Variants in VTA1 observed in about 807,000 individuals in gnomAD.
VTA1 encodes vesicle trafficking 1.
Under a neutral mutation model 36.9 loss-of-function variants are expected in VTA1, and 24 were observed. That is an observed-to-expected ratio of 0.65 (90% CI 0.47 to 0.91). VTA1 has a LOEUF of 0.91. Ranked by LOEUF, VTA1 falls within the 40% of genes least tolerant of loss-of-function variation. The pLI is 0.00. For synonymous variants in VTA1, 142 were observed against 130.2 expected, an observed-to-expected ratio of 1.09 and a Z score of -0.62; for missense variants, 393 against 377.2, an observed-to-expected ratio of 1.04 and a Z score of -0.35.
At chr6:142,198,946 T>C (rs1046306343) in intron 6 of VTA1, among the ~76,000 whole-genome samples, 1 of 152,142 alleles carries the variant, frequency 6.6e-6, no homozygotes, top group African/African-American at 2.4e-5. Context: ...TGTTTTAGAA[T>C]AGCTCGGAGG....
chr6:142,163,199 T>C (rs759895359), intron 1 of VTA1, among the ~76,000 whole-genome samples: 2 of 152,108 alleles, frequency 1.3e-5, no homozygotes, highest in Non-Finnish European at 2.9e-5. Context: ...CCCCAGCTGA[T>C]TGCAGTTCAA....
In VTA1 at chr6:142,189,417, C is replaced by G. The variant is rs2114664978; in HGVS notation, c.412-9C>G. Reference sequence around the variant, plus strand: ...AGTCCAATGTTGATATAAAAATGCTCTCTTTTAGAATGTGAAACACAGGAA... The same window carrying G: ...AGTCCAATGTTGATATAAAAATGCTGTCTTTTAGAATGTGAAACACAGGAA... On this transcript the variant is annotated splice_polypyrimidine_tract_variant and intron_variant, in intron 4 of 7. Transcript: ENST00000367630. 5 of 1,605,250 alleles carry G rather than the reference C, an allele frequency of 3.1e-6. No homozygotes were observed. The highest frequency in any genetic ancestry group is 1.3e-5 in the African/African-American group (1 of 74,770).
intron 1 of VTA1, among the ~76,000 whole-genome samples, chr6:142,160,683 G>C (rs1161458010): frequency 4.6e-5 from 7 of 151,956 alleles, no homozygotes; most frequent in African/African-American, 1.7e-4. Context: ...CAGGTATCAT[G>C]GTCTTCCTCT....
At position 142,170,388 on chromosome 6, in the gene VTA1, T is replaced by C. The variant is rs772043693; in HGVS notation, c.378T>C (p.Asp126=). 1.2e-6 allele frequency: 2 copies of C among 1,608,228 alleles called. No homozygotes were observed. The highest frequency in any genetic ancestry group is 1.7e-6 in the Non-Finnish European group (2 of 1,177,676). The part of the protein sequence containing the change: ...KSFYTASLLI[D]VITVFGELTD... ...TCTATACTGCAAGTCTTTTGATAGA[T>C]GTCATAACAGTATTTGGAGAACTCA... The change falls in exon 4 of 8, where the codon GAT becomes GAC. Residue 126 remains aspartate, a synonymous_variant. Coordinates refer to ENST00000367630, the MANE Select transcript of VTA1 (RefSeq NM_016485.5).
intron 4 of VTA1, among the ~76,000 whole-genome samples, chr6:142,188,093 G>A (rs113505301): frequency 6.6e-6 from 1 of 150,422 alleles, no homozygotes; most frequent in Non-Finnish European, 1.5e-5. Flanking sequence ...GTTTTTCATA[G>A]AGACGGGGTT....
chr6:142,176,960 C>T (rs566416254), intron 4 of VTA1, among the ~76,000 whole-genome samples: 11 of 152,246 alleles, frequency 7.2e-5, no homozygotes, highest in African/African-American at 2.4e-4. Context: ...TTAAGGGTAT[C>T]CGTGTGTACT....
chr6:142,177,300 C>T (rs2114652597), intron 4 of VTA1, among the ~76,000 whole-genome samples: 2 of 152,252 alleles, frequency 1.3e-5, no homozygotes, highest in South Asian at 4.1e-4. Flanking sequence ...ATTAAGAGTG[C>T]AGGCATTGGG....
intron 4 of VTA1, among the ~76,000 whole-genome samples, chr6:142,173,272 T>C (rs1453431124): frequency 6.6e-6 from 1 of 152,216 alleles, no homozygotes; most frequent in African/African-American, 2.4e-5. Context: ...GGTAAACACT[T>C]ATTTTTGCAG....
At chr6:142,154,124 T>G (rs1182315877) in intron 1 of VTA1, among the ~76,000 whole-genome samples, 2 of 151,992 alleles carry the variant, frequency 1.3e-5, no homozygotes, top group Admixed American at 6.6e-5. Flanking sequence ...ATTCCCCTTG[T>G]TGCCCTTTTA....
At position 142,200,560 on chromosome 6, in the gene VTA1, G is replaced by A. The variant is rs375579064; in HGVS notation, c.697+1945G>A. Among the ~76,000 whole-genome samples, 13 of 151,860 alleles carry A rather than the reference G, an allele frequency of 8.6e-5. No individual in the cohort carries two copies. In the East Asian group the frequency reaches 2.1e-3, roughly 25 times the overall value. On this transcript the variant is annotated intron_variant, in intron 6 of 7. Coordinates refer to ENST00000367630, the MANE Select transcript of VTA1 (RefSeq NM_016485.5). ...CAAAAGAGAACACTTTTAACAGGAG[G>A]GCTATAGTAGATCGATCCATATGAA...
chr6:142,179,860 T>G (rs1353724579), intron 4 of VTA1, among the ~76,000 whole-genome samples: 2 of 152,202 alleles, frequency 1.3e-5, no homozygotes, highest in African/African-American at 4.8e-5. Flanking sequence ...CTGCTTATTC[T>G]ATATTCTAAG....
chr6:142,200,728 A>G (rs1775668205), intron 6 of VTA1, among the ~76,000 whole-genome samples: 1 of 151,978 alleles, frequency 6.6e-6, no homozygotes. Flanking sequence ...TTTGTCATAA[A>G]CAGTTCAATT....
intron 5 of VTA1, among the ~76,000 whole-genome samples, chr6:142,194,149 C>T (rs916829638): frequency 6.6e-6 from 1 of 152,074 alleles, no homozygotes; most frequent in African/African-American, 2.4e-5. Context: ...AGGTACTGTG[C>T]CTAGTGGACC....
At chr6:142,213,911 T>C (rs1369280120) in intron 7 of VTA1, among the ~76,000 whole-genome samples, 1 of 152,150 alleles carries the variant, frequency 6.6e-6, no homozygotes, top group Non-Finnish European at 1.5e-5. Flanking sequence ...AGAGACACTT[T>C]CCCCCACTGT....
chr6:142,161,772 A>G (rs1372610694), intron 1 of VTA1, among the ~76,000 whole-genome samples: 2 of 152,150 alleles, frequency 1.3e-5, no homozygotes, highest in African/African-American at 4.8e-5. Flanking sequence ...TTTATGAAAG[A>G]GATCCTTTTT....
Position 142,210,729 on chromosome 6 carries a change from A to G in VTA1, c.778+6664A>G, listed in dbSNP as rs111727407. The stretch of plus-strand genomic sequence containing the variant: ...ACCCTAGTTAAAATGGCTCATACCA[A>G]AAGACAGGCATAGAGAACAGTGCAG... On this transcript the variant is annotated intron_variant, in intron 7 of 7. Coordinates refer to ENST00000367630, the MANE Select transcript of VTA1 (RefSeq NM_016485.5). 7.0e-3 allele frequency among the ~76,000 whole-genome samples: 1,066 copies of G among 152,314 alleles called. 16 individuals are homozygous for G. Among genetic ancestry groups the G allele is most frequent in the African/African-American group, 0.024 (1,016 of 41,576 alleles).
intron 5 of VTA1, among the ~76,000 whole-genome samples, chr6:142,196,719 T>C (rs1562266324): frequency 6.6e-6 from 1 of 152,152 alleles, no homozygotes; most frequent in Non-Finnish European, 1.5e-5. Context: ...TTTTGAGGTC[T>C]TTTTTGTAGA....
chr6:142,168,039 A>G (rs979059635), intron 2 of VTA1, among the ~76,000 whole-genome samples: 4 of 152,254 alleles, frequency 2.6e-5, no homozygotes, highest in African/African-American at 7.2e-5. Flanking sequence ...ATTTATCACT[A>G]TCTGCATTAA....
chr6:142,211,623 A>G (rs965691669), intron 7 of VTA1, among the ~76,000 whole-genome samples: 2 of 151,730 alleles, frequency 1.3e-5, no homozygotes, highest in Non-Finnish European at 1.5e-5. Context: ...AGGCAGGAGA[A>G]TGGCATGAAC....
Sources: gnomAD v4.1 joint callset for allele counts (sites outside exome capture counted in the v4.1 genomes callset) on GRCh38, gnomAD v4.1.1 for gene constraint, MANE v1.5 for transcripts, NCBI Gene and HGNC (gene_info 2026-07-23, HGNC 2026-07-21) for gene names.